The following WWOX variants were observed in gnomAD, a reference collection of about 807,000 sequenced individuals.
WWOX encodes the protein WW domain containing oxidoreductase.
A neutral mutation model predicts 46.2 loss-of-function variants in WWOX; 69 were observed. The observed-to-expected ratio is 1.49, with a 90% CI of 1.23 to 1.82. WWOX has a LOEUF of 1.82. WWOX is among the 40% of genes most tolerant of loss of function. WWOX has a pLI of 0.00. For synonymous variants in WWOX, 359 were observed against 202.6 expected (o/e 1.77, Z -6.56); for missense variants, 919 against 542.6 (o/e 1.69, Z -6.89).
At chr16:78,211,314 A>G (rs1189483352) in intron 5 of WWOX, among the ~76,000 whole-genome samples, 4 of 152,172 alleles carry the variant, frequency 2.6e-5, no homozygotes, top group African/African-American at 9.7e-5. Context: ...GTCCAGAGGC[A>G]TGGCTTTGAA....
intron 8 of WWOX, among the ~76,000 whole-genome samples, chr16:78,624,039 C>G (rs118130607): frequency 5.0e-4 from 76 of 152,308 alleles, no homozygotes; most frequent in Non-Finnish European, 9.0e-4. Flanking sequence ...TAAGAACCCA[C>G]AGCATCTTGC....
intron 8 of WWOX, among the ~76,000 whole-genome samples, chr16:79,119,745 G>T (rs543594691): frequency 1.4e-4 from 21 of 152,178 alleles, no homozygotes; most frequent in Non-Finnish European, 2.8e-4. Context: ...GAATCATGAT[G>T]GCAGTGGCTG....
At chr16:78,439,221 T>C (rs2083395407) in intron 8 of WWOX, among the ~76,000 whole-genome samples, 2 of 152,206 alleles carry the variant, frequency 1.3e-5, no homozygotes, top group South Asian at 4.1e-4. Flanking sequence ...ATTGTATTCT[T>C]CATGAATCTA....
At chr16:78,900,687 G>A (rs2044809204) in intron 8 of WWOX, among the ~76,000 whole-genome samples, 1 of 151,920 alleles carries the variant, frequency 6.6e-6, no homozygotes, top group African/African-American at 2.4e-5. Context: ...CATATGTTTG[G>A]CAAATGCCAC....
chr16:78,670,804 A>G (rs1023917539), intron 8 of WWOX, among the ~76,000 whole-genome samples: 1 of 152,030 alleles, frequency 6.6e-6, no homozygotes, highest in African/African-American at 2.4e-5. Flanking sequence ...GAGCCACTCC[A>G]CCTACCCAGA....
intron 8 of WWOX, among the ~76,000 whole-genome samples, chr16:79,116,971 G>C (rs1261051480): frequency 3.9e-5 from 6 of 152,066 alleles, no homozygotes; most frequent in African/African-American, 1.4e-4. Flanking sequence ...AGCAGGCATG[G>C]AAACTACATT....
chr16:78,326,349 G>C (rs1211884282), intron 5 of WWOX, among the ~76,000 whole-genome samples: 1 of 152,086 alleles, frequency 6.6e-6, no homozygotes, highest in Non-Finnish European at 1.5e-5. Context: ...ATGCCAATTT[G>C]GCATATTCTG....
chr16:79,058,506 A>G (rs1039660898), intron 8 of WWOX, among the ~76,000 whole-genome samples: 3 of 152,122 alleles, frequency 2.0e-5, no homozygotes, highest in African/African-American at 7.2e-5. Context: ...GGAAAGGAGG[A>G]AGGAAGGAAA....
chr16:78,173,717 C>A (rs1476739313), intron 5 of WWOX, among the ~76,000 whole-genome samples: 2 of 152,172 alleles, frequency 1.3e-5, no homozygotes, highest in Non-Finnish European at 2.9e-5. Flanking sequence ...TTGTCCAATG[C>A]AGATCTGTAA....
chr16:78,667,341 A>G (rs1019008641), intron 8 of WWOX, among the ~76,000 whole-genome samples: 3 of 152,198 alleles, frequency 2.0e-5, no homozygotes, highest in African/African-American at 7.2e-5. Context: ...ATCTCAATAT[A>G]TATCTACTTT....
At chr16:78,973,237 A>T (rs562498867) in intron 8 of WWOX, among the ~76,000 whole-genome samples, 9 of 152,280 alleles carry the variant, frequency 5.9e-5, no homozygotes, top group African/African-American at 2.2e-4. Flanking sequence ...GCTTGTGTTG[A>T]TGGAATCTCG....
chr16:78,605,835 G>A (rs951102680), intron 8 of WWOX, among the ~76,000 whole-genome samples: 3 of 152,058 alleles, frequency 2.0e-5, no homozygotes, highest in African/African-American at 4.8e-5. Context: ...TAAGTGGAGT[G>A]TGTGTGTGTG....
intron 8 of WWOX, among the ~76,000 whole-genome samples, chr16:78,475,601 A>G (rs1364407195): frequency 6.6e-6 from 1 of 151,958 alleles, no homozygotes; most frequent in Non-Finnish European, 1.5e-5. Context: ...TTATATTTTT[A>G]TTTTAGTTCA....
intron 1 of WWOX, among the ~76,000 whole-genome samples, chr16:78,103,240 CTGTTTTTT>C (rs534458786): frequency 8.5e-6 from 1 of 117,304 alleles, no homozygotes; most frequent in East Asian, 3.3e-4. Context: ...TCTGGCTCCG[CTGTTTTTT>C]TTTTTTTTTT....
chr16:78,710,370 A>C (rs1402432100), intron 8 of WWOX, among the ~76,000 whole-genome samples: 2 of 150,298 alleles, frequency 1.3e-5, no homozygotes. Context: ...CCCAGTGCGC[A>C]CTAACCCTCC....
chr16:79,194,562 G>A (rs1303626055), intron 8 of WWOX, among the ~76,000 whole-genome samples: 2 of 145,138 alleles, frequency 1.4e-5, no homozygotes, highest in Non-Finnish European at 2.9e-5. Flanking sequence ...CGACGTTACA[G>A]GCAGCAGTGT....
At chr16:78,381,701 C>A (rs557414726) in intron 5 of WWOX, among the ~76,000 whole-genome samples, 1 of 152,214 alleles carries the variant, frequency 6.6e-6, no homozygotes, top group Non-Finnish European at 1.5e-5. Flanking sequence ...TTTCAAGATT[C>A]AGTGATCTCA....
At chr16:78,843,671 C>A (rs1333818216) in intron 8 of WWOX, among the ~76,000 whole-genome samples, 2 of 132,560 alleles carry the variant, frequency 1.5e-5, no homozygotes, top group Non-Finnish European at 3.5e-5. Context: ...TAATTCATTC[C>A]CTCTCCGTGG....
At chr16:78,909,622 T>C (rs1202180918) in intron 8 of WWOX, among the ~76,000 whole-genome samples, 1 of 152,200 alleles carries the variant, frequency 6.6e-6, no homozygotes, top group Non-Finnish European at 1.5e-5. Flanking sequence ...TCCTCTTAGA[T>C]GAAAGTTCCC....
Sources: gnomAD v4.1 joint callset for allele counts (sites outside exome capture counted in the v4.1 genomes callset) on GRCh38, gnomAD v4.1.1 for gene constraint, MANE v1.5 for transcripts, NCBI Gene and HGNC (gene_info 2026-07-23, HGNC 2026-07-21) for gene names.